The following PCDH15 variants were observed in gnomAD, a reference collection of about 807,000 sequenced individuals.
The protein encoded by PCDH15 is protocadherin related 15, also known as protocadherin-15.
PCDH15 carries 129 observed loss-of-function variants against 178.5 expected under a neutral mutation model. The observed-to-expected ratio is 0.72, with a 90% confidence interval of 0.63 to 0.84. The LOEUF is 0.84. Among genes scored for constraint, PCDH15 ranks in the 40% least tolerant of loss-of-function variants. The probability of loss-of-function intolerance (pLI) is 0.00; values close to 1 mark genes in which losing one functional copy is unlikely to be tolerated. For missense variants in PCDH15, 2,230 were observed against 2,099.9 expected (o/e 1.06, Z -1.21); for synonymous variants, 800 against 732.0 (o/e 1.09, Z -1.50).
At chr10:54,037,733 GCTTT>G (rs1029137052) in intron 18 of PCDH15, among the ~76,000 whole-genome samples, 2 of 151,904 alleles carry the variant, frequency 1.3e-5, no homozygotes, top group African/African-American at 4.8e-5. Context: ...AATGTGTATT[GCTTT>G]GAGAAACAGA....
intron 9 of PCDH15, among the ~76,000 whole-genome samples, chr10:54,226,251 C>T (rs1419062354): frequency 6.6e-6 from 1 of 152,094 alleles, no homozygotes; most frequent in Non-Finnish European, 1.5e-5. Flanking sequence ...TGGCAGCAGG[C>T]AAAGAGAGAG....
chr10:55,622,691 T>A (rs1837431940), intron 2 of PCDH15, among the ~76,000 whole-genome samples: 1 of 152,180 alleles, frequency 6.6e-6, no homozygotes, highest in Non-Finnish European at 1.5e-5. Flanking sequence ...AATAGTTTTA[T>A]GAATTAAAGA....
intron 2 of PCDH15, among the ~76,000 whole-genome samples, chr10:54,609,826 T>G (rs377536220): frequency 1.3e-5 from 2 of 152,156 alleles, no homozygotes; most frequent in South Asian, 2.1e-4. Context: ...TCTATTTTTT[T>G]CCCTAGAGGA....
chr10:55,373,352 G>C (rs183122569), intron 2 of PCDH15, among the ~76,000 whole-genome samples: 1 of 152,202 alleles, frequency 6.6e-6, no homozygotes, highest in Admixed American at 6.5e-5. Context: ...GTCTTTCCAT[G>C]GGGGAAAGTA....
chr10:54,397,801 C>A (rs1489923245), intron 3 of PCDH15, among the ~76,000 whole-genome samples: 1 of 151,936 alleles, frequency 6.6e-6, no homozygotes, highest in African/African-American at 2.4e-5. Flanking sequence ...AAAGATACTT[C>A]TGCCAGACAA....
In PCDH15 at chr10:54,723,322, T is replaced by A. The variant is rs140988632; in HGVS notation, c.-28-59032A>T. Among the ~76,000 whole-genome samples the A allele has an allele frequency of 1.7e-3, 256 of 151,850 alleles. 1 individual carries two copies. The highest frequency in any genetic ancestry group is 5.7e-3 in the African/African-American group (237 of 41,518). On this transcript the variant is annotated intron_variant, in intron 1 of 37. Transcript: ENST00000644397. ...GAAAGATGCTCTATTCAATAAATGA[T>A]GCTGGGAAAATTGGCTAGCCACGTG...
intron 8 of PCDH15, among the ~76,000 whole-genome samples, chr10:54,296,383 A>G: frequency 6.6e-6 from 1 of 151,876 alleles, no homozygotes. Flanking sequence ...CCTGAGGCTG[A>G]GCGGAACTCT....
intron 2 of PCDH15, among the ~76,000 whole-genome samples, chr10:55,132,623 T>G (rs1167358094): frequency 6.6e-6 from 1 of 152,158 alleles, no homozygotes; most frequent in Non-Finnish European, 1.5e-5. Context: ...TCACTCAAAA[T>G]GTAAAAGAAT....
intron 3 of PCDH15, among the ~76,000 whole-genome samples, chr10:54,860,622 T>C (rs1178073309): frequency 6.6e-6 from 1 of 152,210 alleles, no homozygotes; most frequent in Non-Finnish European, 1.5e-5. Flanking sequence ...TATGATTGCA[T>C]ATATTTTTGG....
intron 1 of PCDH15, among the ~76,000 whole-genome samples, chr10:55,290,473 A>T (rs1433470324): frequency 1.3e-5 from 2 of 152,052 alleles, no homozygotes; most frequent in Non-Finnish European, 2.9e-5. Context: ...AGCATTTTTT[A>T]TTGTGTTAAG....
At chr10:54,783,119 G>T (rs879069902) in intron 1 of PCDH15, among the ~76,000 whole-genome samples, 1 of 152,212 alleles carries the variant, frequency 6.6e-6, no homozygotes, top group South Asian at 2.1e-4. Flanking sequence ...TAATTTTCCA[G>T]TAAGAGAACC....
chr10:54,902,031 C>T (rs1954646540), intron 2 of PCDH15, among the ~76,000 whole-genome samples: 1 of 151,752 alleles, frequency 6.6e-6, no homozygotes, highest in Admixed American at 6.6e-5. Flanking sequence ...GTTACAGGAC[C>T]CGTTCTTCCA....
chr10:55,514,418 A>G (rs1192066264), intron 2 of PCDH15, among the ~76,000 whole-genome samples: 1 of 152,200 alleles, frequency 6.6e-6, no homozygotes, highest in Non-Finnish European at 1.5e-5. Flanking sequence ...GCTGAAAATC[A>G]CTGGCAAAAG....
intron 2 of PCDH15, among the ~76,000 whole-genome samples, chr10:55,083,983 T>A (rs970245973): frequency 6.6e-6 from 1 of 151,876 alleles, no homozygotes; most frequent in Non-Finnish European, 1.5e-5. Flanking sequence ...ATCAGTATTG[T>A]TAAAATGTCC....
chr10:54,534,080 A>G (rs1217483418), intron 2 of PCDH15, among the ~76,000 whole-genome samples: 1 of 152,208 alleles, frequency 6.6e-6, no homozygotes, highest in Non-Finnish European at 1.5e-5. Flanking sequence ...GTAATTTCTT[A>G]GAAGAGTGTC....
At chr10:54,776,656 G>A (rs960427498) in intron 1 of PCDH15, among the ~76,000 whole-genome samples, 1 of 152,162 alleles carries the variant, frequency 6.6e-6, no homozygotes, top group Non-Finnish European at 1.5e-5. Context: ...TTAGGCTACA[G>A]AAAATGCAAA....
intron 3 of PCDH15, among the ~76,000 whole-genome samples, chr10:54,475,043 C>G (rs2078183609): frequency 6.6e-6 from 1 of 151,602 alleles, no homozygotes; most frequent in Non-Finnish European, 1.5e-5. Flanking sequence ...TTCTCCTAAA[C>G]TTTTTTTTAA....
chr10:54,582,792 T>C (rs1360670282), intron 2 of PCDH15, among the ~76,000 whole-genome samples: 1 of 151,974 alleles, frequency 6.6e-6, no homozygotes, highest in African/African-American at 2.4e-5. Flanking sequence ...TGCACACCTC[T>C]CGGCAGGAGG....
At chr10:54,529,219 T>C (rs1220410053) in intron 2 of PCDH15, among the ~76,000 whole-genome samples, 1 of 152,082 alleles carries the variant, frequency 6.6e-6, no homozygotes, top group African/African-American at 2.4e-5. Flanking sequence ...TTTCTCTCTT[T>C]ACACTTGTCA....
Sources: allele counts gnomAD v4.1 joint callset (sites outside exome capture counted in the v4.1 genomes callset), GRCh38; gene constraint gnomAD v4.1.1; transcripts MANE v1.5; gene names NCBI Gene and HGNC (gene_info 2026-07-23, HGNC 2026-07-21).